The following IGSF10 variants were observed in gnomAD, a reference collection of about 807,000 sequenced individuals.
The protein encoded by IGSF10 is calvaria mechanical force protein 608.
IGSF10 carries 126 observed loss-of-function variants against 128.2 expected under a neutral mutation model. The observed-to-expected ratio is 0.98, with a 90% CI of 0.85 to 1.14. IGSF10 has a LOEUF of 1.14. IGSF10 is among the 50% of genes most tolerant of loss of function. The pLI is 0.00. For missense variants in IGSF10, 3,295 were observed against 3,149.8 expected, an observed-to-expected ratio of 1.05 and a Z score of -1.10; for synonymous variants, 1,185 against 1,146.2, an observed-to-expected ratio of 1.03 and a Z score of -0.68.
chr3:151,494,628 T>C, the IGSF10 span, among the ~76,000 whole-genome samples: 1 of 152,136 alleles, frequency 6.6e-6, no homozygotes, highest in East Asian at 1.9e-4. Context: ...ATCTTGACAA[T>C]AACTGGACCT....
At chr3:151,533,488 G>A in the IGSF10 span, among the ~76,000 whole-genome samples, 1 of 152,150 alleles carries the variant, frequency 6.6e-6, no homozygotes, top group Non-Finnish European at 1.5e-5. Context: ...AGAGGCCTCA[G>A]AAATAACGCC....
At chr3:151,508,561 C>T in the IGSF10 span, among the ~76,000 whole-genome samples, 1 of 152,064 alleles carries the variant, frequency 6.6e-6, no homozygotes, top group South Asian at 2.1e-4. Flanking sequence ...TTTTAAAAAT[C>T]TTCTAATTAG....
the IGSF10 span, among the ~76,000 whole-genome samples, chr3:151,617,374 C>T: frequency 2.1e-5 from 3 of 141,072 alleles, no homozygotes; most frequent in Non-Finnish European, 1.5e-5. Flanking sequence ...CTTCTTCTCC[C>T]TTTTCTTCTC....
chr3:151,500,585 A>T, the IGSF10 span, among the ~76,000 whole-genome samples: 1 of 152,156 alleles, frequency 6.6e-6, no homozygotes, highest in Non-Finnish European at 1.5e-5. Flanking sequence ...ATTTTCTTAG[A>T]CAATTCTCCA....
chr3:151,544,586 C>A, the IGSF10 span, among the ~76,000 whole-genome samples: 1 of 152,130 alleles, frequency 6.6e-6, no homozygotes, highest in Admixed American at 6.5e-5. Flanking sequence ...ACCCACCTAC[C>A]CACCCTGTTT....
At position 151,444,739 on chromosome 3, in the gene IGSF10, C is replaced by CA. The variant is rs200518932; in HGVS notation, c.5062+179dup. 6.3e-3 allele frequency among the ~76,000 whole-genome samples: 956 copies of CA among 152,324 alleles called. 2 individuals carry two copies. The highest frequency in any genetic ancestry group is 0.01 in the Non-Finnish European group (693 of 68,028). On this transcript the variant is annotated intron_variant, in intron 6 of 7. Coordinates refer to ENST00000282466, the MANE Select transcript of IGSF10 (RefSeq NM_178822.5). ...CATTCCAAAAAATGTTCTTAGTTAA[C>CA]ATATTTAATCCCTTCTGATGAGTGA...
intron 7 of IGSF10, among the ~76,000 whole-genome samples, chr3:151,441,943 C>T (rs1402247346): frequency 6.6e-6 from 1 of 152,158 alleles, no homozygotes. Flanking sequence ...TGCCTGTGGT[C>T]CCAGCTACTC....
At chr3:151,484,252 T>C in the IGSF10 span, among the ~76,000 whole-genome samples, 1 of 152,126 alleles carries the variant, frequency 6.6e-6, no homozygotes, top group African/African-American at 2.4e-5. Context: ...CTTTCTAGAT[T>C]CCTTCCTCTC....
chr3:151,494,285 AAC>A, the IGSF10 span, among the ~76,000 whole-genome samples: 1 of 114,756 alleles, frequency 8.7e-6, no homozygotes, highest in Admixed American at 8.8e-5. Context: ...AAGAAGAAGA[AAC>A]AATGATTTTT....
chr3:151,610,310 G>A, the IGSF10 span, among the ~76,000 whole-genome samples: 1 of 152,194 alleles, frequency 6.6e-6, no homozygotes, highest in African/African-American at 2.4e-5. Flanking sequence ...TCCCAATACA[G>A]AGCATGATGC....
At chr3:151,451,587 A>G (rs1721510896) in intron 5 of IGSF10, among the ~76,000 whole-genome samples, 1 of 152,202 alleles carries the variant, frequency 6.6e-6, no homozygotes, top group African/African-American at 2.4e-5. Context: ...ATAAATTAAG[A>G]TGTGCCTTAC....
the IGSF10 span, among the ~76,000 whole-genome samples, chr3:151,480,702 A>T: frequency 6.6e-6 from 1 of 151,638 alleles, no homozygotes; most frequent in Non-Finnish European, 1.5e-5. Flanking sequence ...AGCTGCTGCT[A>T]TACCCTGAGC....
Position 151,446,731 on chromosome 3 carries a change from C to T in IGSF10, c.3250G>A (p.Ala1084Thr). 1.2e-6 allele frequency: 2 copies of T among 1,614,138 alleles called. No homozygotes were observed. Among genetic ancestry groups the T allele is most frequent in the Admixed American group, 1.7e-5 (1 of 60,026 alleles). ...GCTTTGGGGAAGGTGATGGGAGCAG[C>T]ACTTGGAAAAGACAATGCTGCTGTG... is the stretch of plus-strand genomic sequence containing the variant. ...TATAALSFPS[A>T]APITFPKADI... is the part of the protein sequence containing the mutation. The change falls in exon 6 of 8, where the codon GCT becomes ACT. Residue 1084 changes from alanine to threonine, a missense_variant. Transcript: ENST00000282466.
chr3:151,464,806 T>TA (rs1163456367), upstream of IGSF10, among the ~76,000 whole-genome samples: 2 of 152,174 alleles, frequency 1.3e-5, no homozygotes, highest in Non-Finnish European at 2.9e-5. Context: ...CGGTAAGTGA[T>TA]AAGTGCCATG....
the IGSF10 span, among the ~76,000 whole-genome samples, chr3:151,504,554 C>A: frequency 0.8 from 120,944 of 152,022 alleles, 48,243 homozygotes; most frequent in Middle Eastern, 0.9. Flanking sequence ...AATGAAAGTT[C>A]CAATAGTTAC....
chr3:151,600,189 T>C, the IGSF10 span, among the ~76,000 whole-genome samples: 3 of 152,176 alleles, frequency 2.0e-5, no homozygotes, highest in Non-Finnish European at 4.4e-5. Flanking sequence ...CATTTTCAGG[T>C]AGCTAAAACA....
chr3:151,438,859 TATATATAG>T (rs1720652294), intron 7 of IGSF10, among the ~76,000 whole-genome samples: 2 of 87,974 alleles, frequency 2.3e-5, no homozygotes, highest in African/African-American at 6.7e-5. Context: ...GAGGTATATA[TATATATAG>T]AGAGAGAGAA....
the IGSF10 span, among the ~76,000 whole-genome samples, chr3:151,580,722 G>T: frequency 7.2e-5 from 11 of 152,182 alleles, no homozygotes; most frequent in Admixed American, 7.2e-4. Flanking sequence ...GTACACTTAC[G>T]GAGGAATTCT....
At chr3:151,477,633 T>G in the IGSF10 span, among the ~76,000 whole-genome samples, 72 of 152,326 alleles carry the variant, frequency 4.7e-4, no homozygotes, top group African/African-American at 1.7e-3. Context: ...GTAAAAAGGA[T>G]TCCAAAAATC....
Sources: gnomAD v4.1 joint callset for allele counts (sites outside exome capture counted in the v4.1 genomes callset) on GRCh38, gnomAD v4.1.1 for gene constraint, MANE v1.5 for transcripts, NCBI Gene and HGNC (gene_info 2026-07-23, HGNC 2026-07-21) for gene names.